IL1RAPL2: variants seen among roughly 807,000 people sequenced by gnomAD.
IL1RAPL2 encodes X-linked interleukin-1 receptor accessory protein-like 2.
IL1RAPL2 carries 3 observed loss-of-function variants against 44.1 expected under a neutral mutation model. That is an observed-to-expected ratio of 0.07 (90% CI 0.03 to 0.18). IL1RAPL2 has a LOEUF of 0.18. Ranked by LOEUF, IL1RAPL2 falls within the 10% of genes least tolerant of loss-of-function variation. IL1RAPL2 has a pLI of 1.00. For synonymous variants in IL1RAPL2, 181 were observed against 178.8 expected, an observed-to-expected ratio of 1.01 and a Z score of -0.10; for missense variants, 391 against 496.4, an observed-to-expected ratio of 0.79 and a Z score of 2.02.
At chrX:105,652,910 A>T (rs972643349) in intron 6 of IL1RAPL2, among the ~76,000 whole-genome samples, 1 of 111,595 alleles carries the variant, frequency 9.0e-6, no homozygotes, top group Non-Finnish European at 1.9e-5. Context: ...GTGGATGGGA[A>T]GGGTGACCAG....
At chrX:105,241,321 A>G (rs2147641012) in intron 4 of IL1RAPL2, among the ~76,000 whole-genome samples, 1 of 111,842 alleles carries the variant, frequency 8.9e-6, no homozygotes, top group Non-Finnish European at 1.9e-5. Context: ...TAATGACTCA[A>G]AAATTTTAAA....
At chrX:105,117,677 T>C (rs1252466705) in intron 2 of IL1RAPL2, among the ~76,000 whole-genome samples, 1 of 111,745 alleles carries the variant, frequency 8.9e-6, no homozygotes, top group East Asian at 2.8e-4. Flanking sequence ...GCACTTCTCC[T>C]TCCTGCTGCC....
At chrX:105,554,191 G>T (rs1448622977) in intron 6 of IL1RAPL2, among the ~76,000 whole-genome samples, 2 of 112,505 alleles carry the variant, frequency 1.8e-5, no homozygotes, top group Non-Finnish European at 3.8e-5. Context: ...TCCTCCACAG[G>T]ACAGTTTGTA....
rs1464912931 is a variant in IL1RAPL2, at chrX:105,767,085, C to T, written c.1485C>T (p.Asn495=). 8.3e-7 allele frequency: 1 copy of T among 1,205,233 alleles called. No individual in the cohort carries two copies. The highest frequency in any genetic ancestry group is 1.1e-6 in the Non-Finnish European group (1 of 891,008). The part of the protein sequence containing the change: ...SIFELESRLH[N]MLVSGEIKVI... ...TCGAACTGGAAAGCAGACTCCATAA[C>T]ATGCTAGTCAGTGGAGAAATCAAAG... The change falls in exon 11 of 11, where the codon AAC becomes AAT. Residue 495 remains asparagine, a synonymous_variant. Coordinates refer to ENST00000372582, the MANE Select transcript of IL1RAPL2 (RefSeq NM_017416.2).
At chrX:105,730,812 C>T (rs1275182699) in intron 7 of IL1RAPL2, among the ~76,000 whole-genome samples, 8 of 111,095 alleles carry the variant, frequency 7.2e-5, no homozygotes, top group Non-Finnish European at 9.5e-5. Flanking sequence ...AGTCGAGAAA[C>T]AAATGAAAAT....
chrX:105,551,385 C>T (rs1446525119), intron 6 of IL1RAPL2, among the ~76,000 whole-genome samples: 1 of 109,412 alleles, frequency 9.1e-6, no homozygotes, highest in Non-Finnish European at 1.9e-5. Context: ...AGGCCTTTAA[C>T]TTTAAGAACC....
intron 6 of IL1RAPL2, among the ~76,000 whole-genome samples, chrX:105,599,817 A>C (rs2037237447): frequency 9.0e-6 from 1 of 110,998 alleles, no homozygotes; most frequent in South Asian, 3.8e-4. Context: ...ATTCAGTTAT[A>C]AACTATGACA....
intron 5 of IL1RAPL2, among the ~76,000 whole-genome samples, chrX:105,462,637 G>A (rs1390721997): frequency 9.0e-6 from 1 of 110,645 alleles, no homozygotes; most frequent in Non-Finnish European, 1.9e-5. Flanking sequence ...AAAAATTTGG[G>A]GTCCTAATGT....
chrX:104,948,738 T>G (rs762768284), intron 2 of IL1RAPL2, among the ~76,000 whole-genome samples: 5 of 110,541 alleles, frequency 4.5e-5, no homozygotes, highest in Non-Finnish European at 7.6e-5. Flanking sequence ...TTGTGTATGT[T>G]GAACCAGCCT....
intron 5 of IL1RAPL2, among the ~76,000 whole-genome samples, chrX:105,353,949 G>T (rs1159133595): frequency 1.8e-5 from 2 of 110,664 alleles, no homozygotes; most frequent in Non-Finnish European, 3.8e-5. Flanking sequence ...GATTGCCCTG[G>T]CCAGAACTTC....
chrX:105,268,630 G>C (rs760889090), intron 5 of IL1RAPL2, among the ~76,000 whole-genome samples: 3 of 109,892 alleles, frequency 2.7e-5, no homozygotes, highest in East Asian at 2.9e-4. Context: ...TTAGCCAGGC[G>C]TGGTGGCATG....
intron 5 of IL1RAPL2, among the ~76,000 whole-genome samples, chrX:105,370,234 G>A (rs1173633263): frequency 9.0e-6 from 1 of 111,364 alleles, no homozygotes; most frequent in Non-Finnish European, 1.9e-5. Flanking sequence ...TTATTTTTTA[G>A]ACTTTTAGGT....
chrX:104,935,411 A>G (rs1255974215), intron 2 of IL1RAPL2, among the ~76,000 whole-genome samples: 1 of 111,951 alleles, frequency 8.9e-6, no homozygotes, highest in Non-Finnish European at 1.9e-5. Context: ...GGAAAATCCT[A>G]TATAATCTAA....
chrX:104,770,739 T>C (rs1051437867), intron 2 of IL1RAPL2, among the ~76,000 whole-genome samples: 1 of 112,262 alleles, frequency 8.9e-6, no homozygotes, highest in Non-Finnish European at 1.9e-5. Context: ...GACTCACTTA[T>C]TTTTTAACTT....
chrX:104,647,171 G>A lies in IL1RAPL2; in HGVS notation c.-19-11724G>A. ...AATCATCAGGGCTGTGGCCTAGTCA[G>A]CCTGCAGAGGTGCAGGCAGGGTGGG... On this transcript the variant is annotated intron_variant, in intron 1 of 10. Transcript: ENST00000372582. The A allele has an allele frequency of 1.7e-5, 5 of 298,776 alleles. No homozygotes were observed. In the South Asian group the frequency reaches 1.8e-4, roughly 11 times the overall value. The allele number at this position is 298,776 out of a possible 1,213,427, so 24.6% of individuals were successfully genotyped here.
At chrX:105,610,539 T>C (rs2037328229) in intron 6 of IL1RAPL2, among the ~76,000 whole-genome samples, 1 of 111,846 alleles carries the variant, frequency 8.9e-6, no homozygotes, top group Admixed American at 9.5e-5. Flanking sequence ...AGATTTGTTT[T>C]GTATATAAGT....
At chrX:105,391,511 A>T (rs1223633506) in intron 5 of IL1RAPL2, among the ~76,000 whole-genome samples, 1 of 93,879 alleles carries the variant, frequency 1.1e-5, no homozygotes, top group Non-Finnish European at 2.1e-5. Context: ...GCTGGAGAGG[A>T]TGTGGAGAAA....
At chrX:105,471,896 C>T (rs1478237429) in intron 5 of IL1RAPL2, among the ~76,000 whole-genome samples, 1 of 111,701 alleles carries the variant, frequency 9.0e-6, no homozygotes, top group African/African-American at 3.3e-5. Flanking sequence ...TAAAGATACT[C>T]TCAGAGAAAG....
At chrX:105,387,953 AGCGTGACCAACATGGAGAAACACCGTCT>A (rs1474877641) in intron 5 of IL1RAPL2, among the ~76,000 whole-genome samples, 13 of 106,818 alleles carry the variant, frequency 1.2e-4, no homozygotes, top group Non-Finnish European at 2.1e-4. Flanking sequence ...GTTCGAGACC[AGCGTGACCAACATGGAGAAACACCGTCT>A]CTACTAAAAA....
Sources: allele counts gnomAD v4.1 joint callset (sites outside exome capture counted in the v4.1 genomes callset), GRCh38; gene constraint gnomAD v4.1.1; transcripts MANE v1.5; gene names NCBI Gene and HGNC (gene_info 2026-07-23, HGNC 2026-07-21).